The following LTBP1 variants were observed in gnomAD, a reference collection of about 807,000 sequenced individuals.
The protein encoded by LTBP1 is latent-transforming growth factor beta-binding protein 1.
A neutral mutation model predicts 207.6 loss-of-function variants in LTBP1; 129 were observed. That is an observed-to-expected ratio of 0.62 (90% CI 0.54 to 0.72). The LOEUF is 0.72. LTBP1 is among the 30% of genes least tolerant of loss of function. The probability of loss-of-function intolerance (pLI) is 0.00; values close to 1 mark genes in which losing one functional copy is unlikely to be tolerated. For missense variants in LTBP1, 2,281 were observed against 2,217.2 expected, an observed-to-expected ratio of 1.03 and a Z score of -0.58; for synonymous variants, 963 against 833.7, an observed-to-expected ratio of 1.16 and a Z score of -2.67.
intron 7 of LTBP1, among the ~76,000 whole-genome samples, chr2:33,206,685 G>C (rs986524717): frequency 6.6e-6 from 1 of 150,746 alleles, no homozygotes; most frequent in Non-Finnish European, 1.5e-5. Flanking sequence ...CTTGCAGTGA[G>C]CCGAGATTGT....
At chr2:33,078,862 C>CTTTTCTTTTTTTTT (rs1367646259) in intron 3 of LTBP1, among the ~76,000 whole-genome samples, 2,592 of 106,498 alleles carry the variant, frequency 0.024, 81 homozygotes, top group Non-Finnish European at 0.039. Context: ...CTTTTCTTTT[C>CTTTTCTTTTTTTTT]TTTTTTTTTT....
At chr2:33,056,286 A>G in intron 3 of LTBP1, 1 of 666,176 alleles carries the variant, frequency 1.5e-6, no homozygotes, top group South Asian at 4.8e-5. Flanking sequence ...AGTGTTTCCC[A>G]TCTGAAAGAC....
chr2:33,350,660 T>C (rs2094768901), intron 26 of LTBP1, among the ~76,000 whole-genome samples: 1 of 152,198 alleles, frequency 6.6e-6, no homozygotes, highest in African/African-American at 2.4e-5. Context: ...TTTACATTGC[T>C]GTGCATTGCC....
intron 32 of LTBP1, among the ~76,000 whole-genome samples, chr2:33,394,591 A>G (rs2095343046): frequency 6.6e-6 from 1 of 152,110 alleles, no homozygotes; most frequent in African/African-American, 2.4e-5. Flanking sequence ...TTTTTGTCAG[A>G]TTTGTCAAAG....
intron 3 of LTBP1, among the ~76,000 whole-genome samples, chr2:33,078,283 G>A (rs2078192266): frequency 6.6e-6 from 1 of 152,176 alleles, no homozygotes; most frequent in South Asian, 2.1e-4. Flanking sequence ...CTGTGTCTCT[G>A]ACCTCACAAA....
intron 5 of LTBP1, among the ~76,000 whole-genome samples, chr2:33,149,131 C>A (rs551605911): frequency 1.3e-5 from 2 of 149,266 alleles, no homozygotes; most frequent in Non-Finnish European, 3.0e-5. Context: ...AGGAGAATGG[C>A]GTGAACCCGG....
chr2:33,044,045 T>C (rs1419472053), intron 3 of LTBP1, among the ~76,000 whole-genome samples: 1 of 151,952 alleles, frequency 6.6e-6, no homozygotes, highest in African/African-American at 2.4e-5. Flanking sequence ...TTCGTTTTTT[T>C]TTTTTCTTCA....
chr2:33,275,906 A>G lies in LTBP1; in HGVS notation c.2975A>G (p.Gln992Arg). Residue 992 changes from glutamine (Q) to arginine (R), a missense_variant, in exon 18 of 34, where the codon CAG (glutamine) becomes CGG (arginine). This residue lies in a region of LTBP1 where 1,671 missense variants were observed against 1,634.8 expected (regional missense o/e 1.02). Transcript: ENST00000404816. ...TGTGACAGCGGGTACCGCATGACTC[A>G]GAGAGGCCGTTGTGAGGGTGAGTCA... ...EYCDSGYRMT[Q>R]RGRCEDIDEC... 1 of 1,596,670 alleles carries G rather than the reference A, an allele frequency of 6.3e-7. No individual in the cohort carries two copies. The highest frequency in any genetic ancestry group is 1.1e-5 in the South Asian group (1 of 87,644).
At chr2:32,990,156 G>A (rs892596093) in intron 2 of LTBP1, among the ~76,000 whole-genome samples, 2 of 152,130 alleles carry the variant, frequency 1.3e-5, no homozygotes, top group African/African-American at 4.8e-5. Flanking sequence ...CACCATTTCG[G>A]GAGCTGCTTT....
At position 33,081,606 on chromosome 2, in the gene LTBP1, AGT is replaced by A. The variant is rs548236478; in HGVS notation, c.864-28975_864-28974del. Among the ~76,000 whole-genome samples, 26 of 152,220 alleles carry A rather than the reference AGT, an allele frequency of 1.7e-4. No homozygotes were observed. In the East Asian group the frequency reaches 4.8e-3, roughly 28 times the overall value. On this transcript the variant is annotated intron_variant, in intron 3 of 33. Coordinates refer to ENST00000404816, the MANE Select transcript of LTBP1 (RefSeq NM_206943.4). ...TTAGCACGTTGGTTCTAAACAGGGG[AGT>A]AGTAAGAGAGAAGGCTGAAAAGGTA...
In LTBP1 at chr2:33,188,822, C is replaced by T. The variant is rs752029991; in HGVS notation, c.1672C>T (p.Arg558Trp). The change falls in exon 7 of 34, where the codon CGG (arginine) becomes TGG (tryptophan). Residue 558 changes from arginine (R) to tryptophan (W), a missense_variant. Physicochemically the swap from Arg to Trp is moderately radical, Grantham distance 101. Around this residue, in one of 3 missense-constraint regions of LTBP1, gnomAD observed 1,671 missense variants for 1,634.8 expected, o/e 1.02. Transcript: ENST00000404816. ...CGTGGCTGCTAAGACACAGCTTGGC[C>T]GGTGCTTCCAGGAAACCATTGGGTC... ...YPVAAKTQLGRCFQETIGSQC... is the reference protein window; with the variant it reads ...YPVAAKTQLGWCFQETIGSQC... The T allele has an allele frequency of 5.4e-5, 87 of 1,614,026 alleles. No homozygotes were observed. The highest frequency in any genetic ancestry group is 1.5e-4 in the African/African-American group (11 of 74,914).
chr2:33,275,887 A>G lies in LTBP1; in HGVS notation c.2956A>G (p.Ser986Gly), dbSNP rs762768648. Residue 986 changes from serine to glycine, a missense_variant, in exon 18 of 34, where the codon AGC becomes GGC. Physicochemically the swap from Ser to Gly is moderately conservative, Grantham distance 56. Around this residue, in one of 3 missense-constraint regions of LTBP1, gnomAD observed 1,671 missense variants for 1,634.8 expected, o/e 1.02. Transcript: ENST00000404816. ...GGCCTTCCGGTGTGAATACTGTGAC[A>G]GCGGGTACCGCATGACTCAGAGAGG... Reference protein sequence around the residue: ...VGAFRCEYCDSGYRMTQRGRC... With the variant: ...VGAFRCEYCDGGYRMTQRGRC... 1 of 1,608,994 alleles carries G rather than the reference A, an allele frequency of 6.2e-7. No individual in the cohort carries two copies. Among genetic ancestry groups the G allele is most frequent in the Non-Finnish European group, 8.5e-7 (1 of 1,177,558 alleles).
intron 7 of LTBP1, among the ~76,000 whole-genome samples, chr2:33,210,699 C>T (rs2090246289): frequency 6.6e-6 from 1 of 152,194 alleles, no homozygotes; most frequent in Non-Finnish European, 1.5e-5. Flanking sequence ...TGCACACCCA[C>T]TCTTTGTTCC....
At chr2:33,310,222 A>C (rs1053506487) in intron 23 of LTBP1, among the ~76,000 whole-genome samples, 5 of 152,216 alleles carry the variant, frequency 3.3e-5, no homozygotes, top group African/African-American at 1.2e-4. Context: ...CTGGGATTAC[A>C]GGCATGAGCC....
chr2:32,952,658 G>A (rs558556056), intron 2 of LTBP1, among the ~76,000 whole-genome samples: 19 of 151,332 alleles, frequency 1.3e-4, no homozygotes, highest in Admixed American at 4.6e-4. Flanking sequence ...TTTTTTCTGC[G>A]CCCAAACTGA....
intron 5 of LTBP1, among the ~76,000 whole-genome samples, chr2:33,180,736 G>T (rs1342426322): frequency 1.3e-5 from 2 of 152,154 alleles, no homozygotes; most frequent in Non-Finnish European, 2.9e-5. Flanking sequence ...GATTACAGGT[G>T]TGAGTCACCG....
intron 3 of LTBP1, among the ~76,000 whole-genome samples, chr2:33,040,122 G>T (rs372673459): frequency 4.3e-4 from 66 of 152,258 alleles, no homozygotes; most frequent in African/African-American, 1.6e-3. Context: ...AAATGAGCAA[G>T]AGTTACTTGA....
chr2:33,340,693 T>C (rs1165467975), intron 24 of LTBP1, among the ~76,000 whole-genome samples: 1 of 152,032 alleles, frequency 6.6e-6, no homozygotes, highest in East Asian at 1.9e-4. Context: ...GGAAGAGGAA[T>C]AGTAGTAATA....
rs555810609 is a variant in LTBP1, at chr2:33,361,578, A to T, written c.4270+63A>T. 1.3e-5 allele frequency: 16 copies of T among 1,192,284 alleles called. No homozygotes were observed. In the African/African-American group the frequency reaches 2.1e-4, roughly 16 times the overall value. The allele number at this position is 1,192,284 out of a possible 1,614,324, so 73.9% of individuals were successfully genotyped here. A position where few individuals can be genotyped will look rare whatever the true frequency, so the allele number is the denominator to read the frequency against. On this transcript the variant is annotated intron_variant, in intron 28 of 33. Coordinates refer to ENST00000404816, the MANE Select transcript of LTBP1 (RefSeq NM_206943.4). The stretch of plus-strand genomic sequence containing the variant: ...GTACATGTCAGATATTCAAGTGAAA[A>T]CATGGCTTGGGTTTCACAGAATTAG...
Sources: gnomAD v4.1 joint callset for allele counts (sites outside exome capture counted in the v4.1 genomes callset) on GRCh38, gnomAD v4.1.1 for gene constraint, gnomAD v4.1.1 regional missense constraint, MANE v1.5 for transcripts, NCBI Gene and HGNC (gene_info 2026-07-23, HGNC 2026-07-21) for gene names.